The following LDB2 variants were observed in gnomAD, a reference collection of about 807,000 sequenced individuals.
LDB2 encodes the protein LIM domain binding 2.
LDB2 carries 12 observed loss-of-function variants against 44.3 expected under a neutral mutation model. The ratio of observed to expected loss-of-function variants is 0.27; its 90% confidence interval spans 0.17 to 0.44. LDB2 has a LOEUF of 0.44. LDB2 is among the 20% of genes least tolerant of loss of function. The pLI, the probability that LDB2 is intolerant of heterozygous loss-of-function variation, is 1.00. For synonymous variants in LDB2, 164 were observed against 174.8 expected (o/e 0.94, Z 0.49); for missense variants, 344 against 473.5 (o/e 0.73, Z 2.54).
chr4:16,800,429 T>C (rs556652168), intron 1 of LDB2, among the ~76,000 whole-genome samples: 22 of 152,384 alleles, frequency 1.4e-4, no homozygotes, highest in African/African-American at 5.0e-4. Context: ...TTCAATTGCT[T>C]GTAACATCTT....
intron 1 of LDB2, among the ~76,000 whole-genome samples, chr4:16,846,990 G>A (rs2110150961): frequency 1.3e-5 from 2 of 152,248 alleles, no homozygotes. Context: ...AGCTGGAGAA[G>A]ACTCCACTCT....
At position 16,542,109 on chromosome 4, in the gene LDB2, G is replaced by GA. The variant is rs201784453; in HGVS notation, c.616-30006_616-30005insT. ...CCAATTACATCAGGTGGTGGGGGGG[G>GA]GGGCGCGAGCAGGAGGGCATAAGAA... On this transcript the variant is annotated intron_variant, in intron 5 of 7. Transcript: ENST00000304523. Among the ~76,000 whole-genome samples the GA allele has an allele frequency of 3.0e-4, 44 of 146,396 alleles. 1 individual carries two copies. Among genetic ancestry groups the GA allele is most frequent in the African/African-American group, 1.0e-3 (40 of 38,794 alleles).
intron 2 of LDB2, among the ~76,000 whole-genome samples, chr4:16,663,138 C>T (rs888973894): frequency 1.3e-5 from 2 of 152,102 alleles, no homozygotes; most frequent in Non-Finnish European, 2.9e-5. Context: ...CACAGCTTTC[C>T]TAAAAGCATA....
chr4:16,752,853 C>T (rs1399417808), intron 2 of LDB2, among the ~76,000 whole-genome samples: 1 of 151,224 alleles, frequency 6.6e-6, no homozygotes, highest in South Asian at 2.1e-4. Flanking sequence ...ATCCAAAATC[C>T]GTGAATGTTA....
chr4:16,695,455 C>T (rs1751901261), intron 2 of LDB2, among the ~76,000 whole-genome samples: 5 of 148,900 alleles, frequency 3.4e-5, no homozygotes, highest in Admixed American at 3.3e-4. Flanking sequence ...GAGCAAGACT[C>T]TGTCAAAAAA....
chr4:16,709,310 T>C (rs1755357470), intron 2 of LDB2, among the ~76,000 whole-genome samples: 1 of 152,092 alleles, frequency 6.6e-6, no homozygotes, highest in Non-Finnish European at 1.5e-5. Context: ...CAGAGAGAGG[T>C]TCAAAACTAT....
intron 1 of LDB2, among the ~76,000 whole-genome samples, chr4:16,817,627 A>T (rs1369101551): frequency 6.6e-6 from 1 of 152,234 alleles, no homozygotes; most frequent in African/African-American, 2.4e-5. Flanking sequence ...CTGTAGAATA[A>T]TAATAATTGC....
At chr4:16,554,485 C>T (rs558220429) in intron 5 of LDB2, among the ~76,000 whole-genome samples, 6 of 152,222 alleles carry the variant, frequency 3.9e-5, no homozygotes, top group South Asian at 4.1e-4. Context: ...CCCATGAAGC[C>T]GGAGTGTTTT....
At chr4:16,635,158 G>C (rs1733223632) in intron 2 of LDB2, among the ~76,000 whole-genome samples, 1 of 152,118 alleles carries the variant, frequency 6.6e-6, no homozygotes, top group African/African-American at 2.4e-5. Flanking sequence ...GGGAGCAAGG[G>C]GAGGGATAAC....
chr4:16,635,857 C>G lies in LDB2; in HGVS notation c.236-39982G>C, dbSNP rs570744771. ...GGAAAGAGTCAATATGATTCCAGGT[C>G]AGGGCTCACGGTCTATAGTATAGGT... On this transcript the variant is annotated intron_variant, in intron 2 of 7. Transcript: ENST00000304523. Among the ~76,000 whole-genome samples the G allele has an allele frequency of 2.0e-5, 3 of 152,194 alleles. No homozygotes were observed. In the East Asian group the frequency reaches 5.8e-4, roughly 29 times the overall value.
intron 2 of LDB2, among the ~76,000 whole-genome samples, chr4:16,598,288 G>T (rs1465925144): frequency 6.6e-6 from 1 of 152,162 alleles, no homozygotes; most frequent in Non-Finnish European, 1.5e-5. Flanking sequence ...CAGTTGCTAT[G>T]TACAAAGTCC....
Position 16,646,654 on chromosome 4 carries a change from T to C in LDB2, c.236-50779A>G, listed in dbSNP as rs1736871877. Among the ~76,000 whole-genome samples, 3 of 152,298 alleles carry C rather than the reference T, an allele frequency of 2.0e-5. No individual in the cohort carries two copies. In the East Asian group the frequency reaches 5.8e-4, roughly 29 times the overall value. ...GGGACCGGCGGAGTTACAGCTGACTTGCAGATTTAAGAGGAAGAAATCAAT... is the reference window on the plus strand; with the variant it reads ...GGGACCGGCGGAGTTACAGCTGACTCGCAGATTTAAGAGGAAGAAATCAAT... On this transcript the variant is annotated intron_variant, in intron 2 of 7. Coordinates refer to ENST00000304523, the MANE Select transcript of LDB2 (RefSeq NM_001290.5).
chr4:16,672,836 C>CT (rs1578663633), intron 2 of LDB2, among the ~76,000 whole-genome samples: 1 of 15,120 alleles, frequency 6.6e-5, no homozygotes, highest in African/African-American at 1.6e-4. Flanking sequence ...GCCTTCTTTC[C>CT]TTCCTTCCTT....
chr4:16,816,661 T>A (rs1354045067), intron 1 of LDB2, among the ~76,000 whole-genome samples: 1 of 152,140 alleles, frequency 6.6e-6, no homozygotes, highest in Admixed American at 6.5e-5. Flanking sequence ...TCCGCCCGCC[T>A]TGGCTTCCCA....
chr4:16,596,855 C>T (rs952498632), intron 2 of LDB2, among the ~76,000 whole-genome samples: 3 of 152,120 alleles, frequency 2.0e-5, no homozygotes, highest in African/African-American at 4.8e-5. Flanking sequence ...ATTTGAAATC[C>T]TCTTACACTG....
At position 16,746,252 on chromosome 4, in the gene LDB2, T is replaced by C. The variant is rs184644368; in HGVS notation, c.235+12906A>G. Among the ~76,000 whole-genome samples, 350 of 152,340 alleles carry C rather than the reference T, an allele frequency of 2.3e-3. 2 individuals carry two copies. Among genetic ancestry groups the C allele is most frequent in the Non-Finnish European group, 3.8e-3 (257 of 68,030 alleles). On this transcript the variant is annotated intron_variant, in intron 2 of 7. Coordinates refer to ENST00000304523, the MANE Select transcript of LDB2 (RefSeq NM_001290.5). ...TTAGAATGTTTATCATTTTAACTTA[T>C]TAACTAATCCAGTAAGTCATTATTG...
intron 2 of LDB2, among the ~76,000 whole-genome samples, chr4:16,634,199 A>T (rs963403832): frequency 6.6e-6 from 1 of 151,758 alleles, no homozygotes; most frequent in Admixed American, 6.6e-5. Context: ...GGACATAGGC[A>T]TGGGCAAAGA....
intron 1 of LDB2, among the ~76,000 whole-genome samples, chr4:16,803,352 T>C (rs1778208430): frequency 6.6e-6 from 1 of 152,216 alleles, no homozygotes; most frequent in Non-Finnish European, 1.5e-5. Flanking sequence ...GGATGCTGAC[T>C]TCCTACGTGA....
At chr4:16,742,112 G>A (rs1329466612) in intron 2 of LDB2, among the ~76,000 whole-genome samples, 1 of 119,210 alleles carries the variant, frequency 8.4e-6, no homozygotes, top group Non-Finnish European at 1.6e-5. Flanking sequence ...TCACTCTGTT[G>A]CCAGGCTGGA....
Sources: allele counts gnomAD v4.1 joint callset (sites outside exome capture counted in the v4.1 genomes callset), GRCh38; gene constraint gnomAD v4.1.1; transcripts MANE v1.5; gene names NCBI Gene and HGNC (gene_info 2026-07-23, HGNC 2026-07-21).